The following CACNA2D1 variants were observed in gnomAD, a reference collection of about 807,000 sequenced individuals.
CACNA2D1 encodes calcium voltage-gated channel auxiliary subunit alpha2delta 1.
Under a neutral mutation model 171.5 loss-of-function variants are expected in CACNA2D1, and 53 were observed. That is an observed-to-expected ratio of 0.31 (90% CI 0.25 to 0.39). CACNA2D1 has a LOEUF of 0.39. Ranked by LOEUF, CACNA2D1 falls within the 10% of genes least tolerant of loss-of-function variation. The probability of loss-of-function intolerance (pLI) is 1.00; values close to 1 mark genes in which losing one functional copy is unlikely to be tolerated. For synonymous variants in CACNA2D1, 442 were observed against 443.1 expected (o/e 1.00, Z 0.03); for missense variants, 903 against 1,299.8 (o/e 0.69, Z 4.69).
chr7:82,262,332 A>G (rs1807229825), intron 3 of CACNA2D1, among the ~76,000 whole-genome samples: 1 of 152,218 alleles, frequency 6.6e-6, no homozygotes, highest in Admixed American at 6.5e-5. Flanking sequence ...CTCTGTCTCA[A>G]AAATCAATCC....
chr7:82,045,984 C>G (rs1804509246), intron 10 of CACNA2D1, among the ~76,000 whole-genome samples: 1 of 152,106 alleles, frequency 6.6e-6, no homozygotes, highest in Non-Finnish European at 1.5e-5. Flanking sequence ...GCTACCACAT[C>G]CCGTCATGTG....
At chr7:82,300,849 A>G (rs1812912899) in intron 3 of CACNA2D1, among the ~76,000 whole-genome samples, 1 of 152,098 alleles carries the variant, frequency 6.6e-6, no homozygotes, top group South Asian at 2.1e-4. Flanking sequence ...TATGCGTGAA[A>G]CTGATATAGT....
intron 8 of CACNA2D1, among the ~76,000 whole-genome samples, chr7:82,065,163 G>A (rs552806009): frequency 2.6e-5 from 4 of 152,218 alleles, no homozygotes; most frequent in East Asian, 1.9e-4. Context: ...AACTTCTCAG[G>A]AGGCTGCCAG....
At chr7:82,232,682 T>C (rs970803617) in intron 3 of CACNA2D1, among the ~76,000 whole-genome samples, 1 of 151,236 alleles carries the variant, frequency 6.6e-6, no homozygotes, top group Non-Finnish European at 1.5e-5. Context: ...TGGCTAACAC[T>C]GTGAAACCCC....
intron 3 of CACNA2D1, among the ~76,000 whole-genome samples, chr7:82,265,585 G>T (rs1247620168): frequency 6.6e-6 from 1 of 151,752 alleles, no homozygotes; most frequent in African/African-American, 2.4e-5. Flanking sequence ...GATTTAATCT[G>T]CTCTGAGTTC....
intron 3 of CACNA2D1, among the ~76,000 whole-genome samples, chr7:82,195,660 T>TAA (rs75394173): frequency 1.4e-5 from 2 of 142,646 alleles, no homozygotes; most frequent in African/African-American, 2.5e-5. Context: ...TTCATGTATT[T>TAA]AAAAAAAAAA....
At chr7:82,329,500 C>A (rs1288800414) in intron 3 of CACNA2D1, among the ~76,000 whole-genome samples, 2 of 152,062 alleles carry the variant, frequency 1.3e-5, no homozygotes, top group Non-Finnish European at 2.9e-5. Flanking sequence ...AACAATGAGA[C>A]CACAGATTTC....
chr7:82,124,871 T>G (rs1790150117), intron 5 of CACNA2D1, among the ~76,000 whole-genome samples: 1 of 152,142 alleles, frequency 6.6e-6, no homozygotes, highest in Admixed American at 6.6e-5. Context: ...AAATAAAAGT[T>G]ACATACTATA....
At chr7:82,290,503 T>G (rs1337676113) in intron 3 of CACNA2D1, among the ~76,000 whole-genome samples, 3 of 151,748 alleles carry the variant, frequency 2.0e-5, no homozygotes, top group Non-Finnish European at 2.9e-5. Context: ...TTCATTTTAT[T>G]TTTTATTAAA....
chr7:82,437,110 G>A (rs773651510), intron 1 of CACNA2D1, among the ~76,000 whole-genome samples: 4 of 152,134 alleles, frequency 2.6e-5, no homozygotes, highest in Non-Finnish European at 4.4e-5. Context: ...ACAGATTGAA[G>A]TGAAAAGGAC....
intron 3 of CACNA2D1, among the ~76,000 whole-genome samples, chr7:82,279,952 A>G (rs1809869304): frequency 1.3e-5 from 2 of 152,268 alleles, no homozygotes; most frequent in South Asian, 4.1e-4. Flanking sequence ...TTGGACCTAA[A>G]TATCTGTAAC....
intron 3 of CACNA2D1, among the ~76,000 whole-genome samples, chr7:82,217,280 AATAAAG>A (rs1266051963): frequency 2.0e-5 from 3 of 151,396 alleles, no homozygotes; most frequent in Non-Finnish European, 2.9e-5. Context: ...ACAATCAACT[AATAAAG>A]ATAAACAGAA....
At chr7:82,203,549 T>C (rs1799699945) in intron 3 of CACNA2D1, among the ~76,000 whole-genome samples, 1 of 152,130 alleles carries the variant, frequency 6.6e-6, no homozygotes, top group African/African-American at 2.4e-5. Context: ...ATTATGATGG[T>C]GCGGCTGAGA....
intron 3 of CACNA2D1, among the ~76,000 whole-genome samples, chr7:82,286,293 C>A (rs1810757797): frequency 6.6e-6 from 1 of 152,096 alleles, no homozygotes; most frequent in Non-Finnish European, 1.5e-5. Context: ...ATCACTGTCC[C>A]TGTTGGTGCT....
chr7:82,133,676 A>G (rs941998692), intron 5 of CACNA2D1, among the ~76,000 whole-genome samples: 2 of 152,224 alleles, frequency 1.3e-5, no homozygotes, highest in African/African-American at 4.8e-5. Flanking sequence ...CCAAGGTAGA[A>G]GTGGAGTTAA....
intron 24 of CACNA2D1, among the ~76,000 whole-genome samples, chr7:81,978,410 T>G (rs924426432): frequency 1.3e-5 from 2 of 151,680 alleles, no homozygotes; most frequent in Non-Finnish European, 1.5e-5. Flanking sequence ...GCAGCCATAA[T>G]AAGTTCATGT....
intron 3 of CACNA2D1, among the ~76,000 whole-genome samples, chr7:82,321,983 G>A (rs1410856714): frequency 2.0e-5 from 3 of 150,486 alleles, no homozygotes; most frequent in African/African-American, 4.9e-5. Context: ...AAAATTAGCC[G>A]GGCGTAGTGG....
At chr7:82,008,833 A>C (rs1392845840) in intron 15 of CACNA2D1, among the ~76,000 whole-genome samples, 1 of 152,140 alleles carries the variant, frequency 6.6e-6, no homozygotes, top group Non-Finnish European at 1.5e-5. Context: ...GTTGTGGTTC[A>C]TAATTGTGCA....
chr7:82,058,139 C>T (rs888602051), intron 10 of CACNA2D1, among the ~76,000 whole-genome samples: 6 of 152,150 alleles, frequency 3.9e-5, no homozygotes, highest in Non-Finnish European at 8.8e-5. Context: ...GTGAATATTA[C>T]GTATGGCTTC....
Sources: allele counts gnomAD v4.1 joint callset (sites outside exome capture counted in the v4.1 genomes callset), GRCh38; gene constraint gnomAD v4.1.1; transcripts MANE v1.5; gene names NCBI Gene and HGNC (gene_info 2026-07-23, HGNC 2026-07-21).